The following OR1I1 variants were observed in gnomAD, a reference collection of about 807,000 sequenced individuals.
The protein encoded by OR1I1 is olfactory receptor family 1 subfamily I member 1, also known as olfactory receptor 1I1.
For missense variants in OR1I1, 451 were observed against 443.6 expected, an observed-to-expected ratio of 1.02 and a Z score of -0.15; for synonymous variants, 171 against 181.4, an observed-to-expected ratio of 0.94 and a Z score of 0.46.
At chr19:15,084,451 A>G (rs1568321650) in intron 1 of OR1I1, among the ~76,000 whole-genome samples, 1 of 151,886 alleles carries the variant, frequency 6.6e-6, no homozygotes, top group Non-Finnish European at 1.5e-5. Flanking sequence ...CCAGCTACTC[A>G]GGAGGCTGAG....
In OR1I1 at chr19:15,088,389, G is replaced by A. The variant is rs2046240643; in HGVS notation, c.*256G>A. 1 of 411,362 alleles carries A rather than the reference G, an allele frequency of 2.4e-6. No individual in the cohort carries two copies. 25.5% of individuals were successfully genotyped at this position (411,362 alleles called of 1,614,324 possible). A position where few individuals can be genotyped will look rare whatever the true frequency, so the allele number is the denominator to read the frequency against. ...ACAAAGGCCAGGTGTGGAAGCTCAA[G>A]CCTGTGATCCCAGCATTTTGGGAGG... is the stretch of plus-strand genomic sequence containing the variant. On this transcript the variant is annotated 3_prime_UTR_variant, in exon 2 of 2. Transcript: ENST00000641398.
chr19:15,087,856 C>G lies in OR1I1; in HGVS notation c.791C>G (p.Ser264Cys). Residue 264 changes from serine to cysteine, a missense_variant, in exon 2 of 2, where the codon TCC (serine) becomes TGC (cysteine). Coordinates refer to ENST00000641398, the MANE Select transcript of OR1I1 (RefSeq NM_001004713.2). ...TIFAVYLQPTSPSSSQKDKAA... is the reference protein window; with the variant it reads ...TIFAVYLQPTCPSSSQKDKAA... ...TTTGCTGTGTACTTACAGCCCACAT[C>G]CCCCAGCTCCTCCCAGAAGGACAAG... 6.2e-7 allele frequency: 1 copy of G among 1,613,766 alleles called. No individual in the cohort carries two copies. The highest frequency in any genetic ancestry group is 1.3e-5 in the African/African-American group (1 of 75,052).
intron 1 of OR1I1, among the ~76,000 whole-genome samples, chr19:15,085,742 A>G (rs908108294): frequency 6.6e-6 from 1 of 151,772 alleles, no homozygotes; most frequent in Admixed American, 6.6e-5. Context: ...CTTCTATGAG[A>G]TTGGCCATTT....
At position 15,082,772 on chromosome 19, in the gene OR1I1, C is replaced by T. The variant is rs1311891121; in HGVS notation, c.-14+496C>T. On this transcript the variant is annotated intron_variant, in intron 1 of 1. Coordinates refer to ENST00000641398, the MANE Select transcript of OR1I1 (RefSeq NM_001004713.2). ...TTTTTGTGTATGATGAGTTTGGGAGCGGGGGGGAGGGGGCGGGGGGATTGT... is the reference window on the plus strand; with the variant it reads ...TTTTTGTGTATGATGAGTTTGGGAGTGGGGGGGAGGGGGCGGGGGGATTGT... 8.0e-5 allele frequency among the ~76,000 whole-genome samples: 9 copies of T among 112,806 alleles called. No individual in the cohort carries two copies. In the East Asian group the frequency reaches 2.3e-3, roughly 29 times the overall value. The allele number at this position is 112,806 out of a possible 152,430, so 74.0% of individuals were successfully genotyped here.
intron 1 of OR1I1, among the ~76,000 whole-genome samples, chr19:15,085,361 G>T (rs2046226713): frequency 6.6e-6 from 1 of 151,138 alleles, no homozygotes; most frequent in African/African-American, 2.4e-5. Flanking sequence ...GTAGAGACGG[G>T]GCTTCACCTT....
In OR1I1 at chr19:15,089,920, G is replaced by T. The variant is rs1403917911; in HGVS notation, c.*1787G>T. 6.6e-6 allele frequency: 1 copy of T among 152,132 alleles called. No homozygotes were observed. The highest frequency in any genetic ancestry group is 1.5e-5 in the Non-Finnish European group (1 of 68,038). 9.4% of individuals were successfully genotyped at this position (152,132 alleles called of 1,614,324 possible). ...GAATGTGACCATATTTGAAGATAGG[G>T]TGTTTACAGAGGTCATTAGATTACA... On this transcript the variant is annotated 3_prime_UTR_variant, in exon 2 of 2. Coordinates refer to ENST00000641398, the MANE Select transcript of OR1I1 (RefSeq NM_001004713.2).
At position 15,087,853 on chromosome 19, in the gene OR1I1, C is replaced by T; in HGVS notation, c.788C>T (p.Thr263Ile). Reference sequence around the variant, plus strand: ...ATCTTTGCTGTGTACTTACAGCCCACATCCCCCAGCTCCTCCCAGAAGGAC... The same window carrying T: ...ATCTTTGCTGTGTACTTACAGCCCATATCCCCCAGCTCCTCCCAGAAGGAC... Reference protein sequence around the residue: ...GTIFAVYLQPTSPSSSQKDKA... With the variant: ...GTIFAVYLQPISPSSSQKDKA... The change falls in exon 2 of 2, where the codon ACA becomes ATA. Residue 263 changes from threonine to isoleucine, a missense_variant. Transcript: ENST00000641398. 6.2e-7 allele frequency: 1 copy of T among 1,614,204 alleles called. No individual in the cohort carries two copies. The highest frequency in any genetic ancestry group is 8.5e-7 in the Non-Finnish European group (1 of 1,180,050).
rs2046240294 is a variant in OR1I1, at chr19:15,088,297, T to C, written c.*164T>C. On this transcript the variant is annotated 3_prime_UTR_variant, in exon 2 of 2. Transcript: ENST00000641398. The stretch of plus-strand genomic sequence containing the variant: ...ATTAGCCCTCCTGGAGGATCAGCCT[T>C]TTAGGATTGCTATGTGAATAAGAGT... The C allele has an allele frequency of 1.3e-6, 1 of 761,354 alleles. No homozygotes were observed. Among genetic ancestry groups the C allele is most frequent in the African/African-American group, 1.8e-5 (1 of 56,978 alleles). The allele number at this position is 761,354 out of a possible 1,614,324, so 47.2% of individuals were successfully genotyped here.
rs2145309045 is a variant in OR1I1 at position 15,092,766 on chromosome 19, G to A, written c.*4633G>A. ...ATCCCAGCACTTTGAGAGGCCAAGG[G>A]AGGAGGATTGCTTGAAGCCAGGAGT... On this transcript the variant is annotated 3_prime_UTR_variant, in exon 2 of 2. Transcript: ENST00000641398. 1 of 152,350 alleles carries A rather than the reference G, an allele frequency of 6.6e-6. No homozygotes were observed. Among genetic ancestry groups the A allele is most frequent in the African/African-American group, 2.4e-5 (1 of 41,534 alleles). The allele number at this position is 152,350 out of a possible 1,614,324, so 9.4% of individuals were successfully genotyped here. A position where few individuals can be genotyped will look rare whatever the true frequency, so the allele number is the denominator to read the frequency against.
chr19:15,084,947 G>A (rs554399582), intron 1 of OR1I1, among the ~76,000 whole-genome samples: 13 of 151,496 alleles, frequency 8.6e-5, no homozygotes, highest in East Asian at 3.9e-4. Flanking sequence ...TTGTGCCACC[G>A]CACTGCAGCC....
At chr19:15,086,327 G>C (rs1433753643) in intron 1 of OR1I1, among the ~76,000 whole-genome samples, 1 of 151,696 alleles carries the variant, frequency 6.6e-6, no homozygotes, top group Non-Finnish European at 1.5e-5. Context: ...AAAAGAAAAA[G>C]GAAAAAGAAA....
chr19:15,090,830 T>A lies in OR1I1; in HGVS notation c.*2697T>A, dbSNP rs1474947245. 1 of 152,282 alleles carries A rather than the reference T, an allele frequency of 6.6e-6. No homozygotes were observed. Among genetic ancestry groups the A allele is most frequent in the Non-Finnish European group, 1.5e-5 (1 of 68,104 alleles). The allele number at this position is 152,282 out of a possible 1,614,324, so 9.4% of individuals were successfully genotyped here. ...GTCTCAAACTCCCGGCCTCAAGAGA[T>A]CTGCCCTCCTCGGCTTCACAAAGTG... On this transcript the variant is annotated 3_prime_UTR_variant, in exon 2 of 2. Transcript: ENST00000641398.
chr19:15,084,866 C>A (rs2046221951), intron 1 of OR1I1, among the ~76,000 whole-genome samples: 1 of 151,766 alleles, frequency 6.6e-6, no homozygotes, highest in Non-Finnish European at 1.5e-5. Context: ...AAACACCTGT[C>A]CCAGCTACTA....
chr19:15,087,032 C>A (rs2046232300), intron 1 of OR1I1, 21 bp from the exon 2 acceptor site: 1 of 1,568,912 alleles, frequency 6.4e-7, no homozygotes, highest in South Asian at 1.2e-5. Flanking sequence ...TGTGGTTTTT[C>A]TCCCTTTTTG....
rs995908846 is a variant in OR1I1, at chr19:15,087,142, T to A, written c.77T>A (p.Leu26His). Reference sequence around the variant, plus strand: ...TCAGAAAAGCCAGAGCATCAGACCCTCCTCTTCACAATGTTCCTCTCCACA... The same window carrying A: ...TCAGAAAAGCCAGAGCATCAGACCCACCTCTTCACAATGTTCCTCTCCACA... ...GLSEKPEHQTLLFTMFLSTYL... is the reference protein window; with the variant it reads ...GLSEKPEHQTHLFTMFLSTYL... The change falls in exon 2 of 2, where the codon CTC (leucine) becomes CAC (histidine). Residue 26 changes from leucine (L) to histidine (H), a missense_variant. Coordinates refer to ENST00000641398, the MANE Select transcript of OR1I1 (RefSeq NM_001004713.2). 4 of 1,613,920 alleles carry A rather than the reference T, an allele frequency of 2.5e-6. No homozygotes were observed. Among genetic ancestry groups the A allele is most frequent in the Middle Eastern group, 1.6e-4 (1 of 6,084 alleles).
chr19:15,087,339 A>G lies in OR1I1; in HGVS notation c.274A>G (p.Ile92Val). Residue 92 changes from isoleucine (I) to valine (V), a missense_variant, in exon 2 of 2, where the codon ATC (isoleucine) becomes GTC (valine). Transcript: ENST00000641398. ...LANIQAQSRA[I>V]PFVGCLTQMY... ...GAACATCCAGGCTCAGAGCAGAGCC[A>G]TCCCCTTTGTGGGCTGCCTCACCCA... 6.2e-7 allele frequency: 1 copy of G among 1,614,204 alleles called. No homozygotes were observed. The highest frequency in any genetic ancestry group is 2.2e-5 in the East Asian group (1 of 44,876).
At chr19:15,083,786 T>C (rs1315678890) in intron 1 of OR1I1, among the ~76,000 whole-genome samples, 1 of 152,122 alleles carries the variant, frequency 6.6e-6, no homozygotes, top group Admixed American at 6.6e-5. Flanking sequence ...AAGACCAGCC[T>C]GGCCAACAGG....
In OR1I1 at chr19:15,088,857, GGTA is replaced by G. The variant is rs1375841117; in HGVS notation, c.*726_*728del. Reference sequence around the variant, plus strand: ...GATACATAGATAGATAGGATAGATAGGTAGGTAGGTAGGTAGGTCAACCGATCG... The same window carrying G: ...GATACATAGATAGATAGGATAGATAGGGTAGGTAGGTAGGTCAACCGATCG... On this transcript the variant is annotated 3_prime_UTR_variant, in exon 2 of 2. Transcript: ENST00000641398. 65 of 119,754 alleles carry G rather than the reference GGTA, an allele frequency of 5.4e-4. No individual in the cohort carries two copies. Among genetic ancestry groups the G allele is most frequent in the Admixed American group, 3.7e-3 (42 of 11,412 alleles). The allele number at this position is 119,754 out of a possible 1,614,324, so 7.4% of individuals were successfully genotyped here. A position where few individuals can be genotyped will look rare whatever the true frequency, so the allele number is the denominator to read the frequency against.
In OR1I1 at chr19:15,090,556, T is replaced by C. The variant is rs2046252564; in HGVS notation, c.*2423T>C. The C allele has an allele frequency of 6.6e-6, 1 of 152,106 alleles. No individual in the cohort carries two copies. The highest frequency in any genetic ancestry group is 1.5e-5 in the Non-Finnish European group (1 of 68,050). The allele number at this position is 152,106 out of a possible 1,614,324, so 9.4% of individuals were successfully genotyped here. On this transcript the variant is annotated 3_prime_UTR_variant, in exon 2 of 2. Coordinates refer to ENST00000641398, the MANE Select transcript of OR1I1 (RefSeq NM_001004713.2). Reference sequence around the variant, plus strand: ...GAACTGTAAGACAACAAATTTCTATTGTTTAAGTCACCTAGTTCATGGTAA... The same window carrying C: ...GAACTGTAAGACAACAAATTTCTATCGTTTAAGTCACCTAGTTCATGGTAA...
Sources: allele counts gnomAD v4.1 joint callset (sites outside exome capture counted in the v4.1 genomes callset), GRCh38; gene constraint gnomAD v4.1.1; transcripts MANE v1.5; gene names NCBI Gene and HGNC (gene_info 2026-07-23, HGNC 2026-07-21).